Variants in ITSN2 observed in about 807,000 individuals in gnomAD.
ITSN2 encodes intersectin 2, also known as intersectin-2.
Under a neutral mutation model 243.7 loss-of-function variants are expected in ITSN2, and 156 were observed. The observed-to-expected ratio is 0.64, with a 90% CI of 0.56 to 0.73. The LOEUF (loss-of-function observed/expected upper bound fraction) is 0.73. Ranked by LOEUF, ITSN2 falls within the 30% of genes least tolerant of loss-of-function variation. The pLI, the probability that ITSN2 is intolerant of heterozygous loss-of-function variation, is 0.00. For synonymous variants in ITSN2, 703 were observed against 699.9 expected, an observed-to-expected ratio of 1.00 and a Z score of -0.07; for missense variants, 1,801 against 1,996.1, an observed-to-expected ratio of 0.90 and a Z score of 1.86.
At chr2:24,292,659 C>G (rs1680410388) in intron 15 of ITSN2, among the ~76,000 whole-genome samples, 1 of 152,204 alleles carries the variant, frequency 6.6e-6, no homozygotes, top group South Asian at 2.1e-4. Context: ...AATGTACAGC[C>G]TAGGCTCCTC....
At chr2:24,237,129 T>C (rs1165696424) in intron 29 of ITSN2, among the ~76,000 whole-genome samples, 4 of 152,186 alleles carry the variant, frequency 2.6e-5, no homozygotes, top group African/African-American at 9.7e-5. Flanking sequence ...TACCGCTTAC[T>C]AGCAGGTTCC....
At chr2:24,354,847 G>C (rs147475416) in intron 1 of ITSN2, among the ~76,000 whole-genome samples, 179 of 152,272 alleles carry the variant, frequency 1.2e-3, no homozygotes, top group African/African-American at 4.1e-3. Context: ...TCTGGTAATA[G>C]TCCCCTAATC....
chr2:24,305,042 C>G (rs1041043307), intron 8 of ITSN2, among the ~76,000 whole-genome samples: 1 of 152,180 alleles, frequency 6.6e-6, no homozygotes, highest in African/African-American at 2.4e-5. Context: ...GAAACATTCT[C>G]TCTTATATCC....
intron 12 of ITSN2, among the ~76,000 whole-genome samples, chr2:24,299,204 T>A (rs925004866): frequency 1.3e-5 from 2 of 152,024 alleles, no homozygotes; most frequent in Non-Finnish European, 2.9e-5. Flanking sequence ...GGCTAATTTT[T>A]GTACTTTTTG....
At chr2:24,348,182 A>G (rs1046706497) in intron 1 of ITSN2, among the ~76,000 whole-genome samples, 3 of 143,606 alleles carry the variant, frequency 2.1e-5, no homozygotes, top group Non-Finnish European at 3.0e-5. Flanking sequence ...AGTTTTTCAA[A>G]TACTATGATT....
intron 23 of ITSN2, among the ~76,000 whole-genome samples, chr2:24,255,543 G>A (rs111331935): frequency 0.015 from 2,360 of 152,262 alleles, 81 homozygotes; most frequent in African/African-American, 0.054. Context: ...CAGGAGAATC[G>A]CTTGAACACA....
intron 31 of ITSN2, among the ~76,000 whole-genome samples, chr2:24,217,585 C>A (rs181307484): frequency 6.6e-6 from 1 of 152,168 alleles, no homozygotes; most frequent in African/African-American, 2.4e-5. Flanking sequence ...TTATCTGCGC[C>A]GTGAGCTGCA....
chr2:24,305,283 A>T (rs950991780), intron 8 of ITSN2, among the ~76,000 whole-genome samples: 2 of 151,994 alleles, frequency 1.3e-5, no homozygotes, highest in African/African-American at 4.8e-5. Flanking sequence ...GTTTAGGGGG[A>T]GGAGAAGAGA....
intron 11 of ITSN2, 71 bp from the exon 12 acceptor site, chr2:24,300,242 T>C (rs1468960939): frequency 3.5e-6 from 5 of 1,429,952 alleles, no homozygotes; most frequent in Non-Finnish European, 4.8e-6. Context: ...AGTTTCTATA[T>C]ACTTATGCCT....
In ITSN2 at chr2:24,236,835, GCTATCTAT is replaced by G. The variant is rs141040899; in HGVS notation, c.3577+9286_3577+9293del. Reference sequence around the variant, plus strand: ...CAGGCGTGCAGCAGCACCACTCCCAGCTATCTATCTATCTATCTATCTTTTATTTTTTA... The same window carrying G: ...CAGGCGTGCAGCAGCACCACTCCCAGCTATCTATCTATCTTTTATTTTTTA... On this transcript the variant is annotated intron_variant, in intron 29 of 39. Transcript: ENST00000355123. Among the ~76,000 whole-genome samples the G allele has an allele frequency of 6.7e-4, 101 of 150,974 alleles. 1 individual carries two copies. The highest frequency in any genetic ancestry group is 3.4e-3 in the Middle Eastern group (1 of 290).
At chr2:24,273,345 T>A (rs1171394016) in intron 18 of ITSN2, among the ~76,000 whole-genome samples, 1 of 152,224 alleles carries the variant, frequency 6.6e-6, no homozygotes, top group Non-Finnish European at 1.5e-5. Context: ...GGAAAATGCT[T>A]CTCTTGCAGT....
chr2:24,248,611 C>T lies in ITSN2; in HGVS notation c.3288+18G>A, dbSNP rs1378167055. The T allele has an allele frequency of 4.5e-6, 7 of 1,565,638 alleles. No homozygotes were observed. Among genetic ancestry groups the T allele is most frequent in the Non-Finnish European group, 6.1e-6 (7 of 1,156,642 alleles). On this transcript the variant is annotated intron_variant, in intron 27 of 39. Coordinates refer to ENST00000355123, the MANE Select transcript of ITSN2 (RefSeq NM_006277.3). ...ACTTTTATAATAAAATTTATAGATG[C>T]TATTTAAAGAATATTACCTGTAACT...
chr2:24,335,513 T>G (rs1429972534), intron 1 of ITSN2, among the ~76,000 whole-genome samples: 1 of 152,118 alleles, frequency 6.6e-6, no homozygotes, highest in Non-Finnish European at 1.5e-5. Flanking sequence ...TTAAATTTTT[T>G]TGTAGAGATG....
chr2:24,341,391 CAAG>C (rs943450448), intron 1 of ITSN2, among the ~76,000 whole-genome samples: 3 of 152,008 alleles, frequency 2.0e-5, no homozygotes, highest in African/African-American at 7.3e-5. Flanking sequence ...AAAAAAGAGA[CAAG>C]AATAGTCAGA....
Position 24,216,034 on chromosome 2 carries a change from C to T in ITSN2, c.3990+15G>A. 6.4e-7 allele frequency: 1 copy of T among 1,568,890 alleles called. No individual in the cohort carries two copies. The highest frequency in any genetic ancestry group is 8.7e-7 in the Non-Finnish European group (1 of 1,153,802). ...TCAGAAGGAGCCTGACCCGCAAGGC[C>T]CAGAATGGAATTACCTTTAAAAATT... On this transcript the variant is annotated intron_variant, in intron 32 of 39. Coordinates refer to ENST00000355123, the MANE Select transcript of ITSN2 (RefSeq NM_006277.3).
At chr2:24,301,526 CTT>C (rs999219345) in intron 10 of ITSN2, among the ~76,000 whole-genome samples, 55 of 137,118 alleles carry the variant, frequency 4.0e-4, no homozygotes, top group Non-Finnish European at 3.8e-4. Context: ...ACATCCACTT[CTT>C]TTTTTTTTTT....
In ITSN2 at chr2:24,249,848, C is replaced by T. The variant is rs1011340336; in HGVS notation, c.3121-966G>A. 2.0e-5 allele frequency among the ~76,000 whole-genome samples: 3 copies of T among 152,188 alleles called. No homozygotes were observed. Among genetic ancestry groups the T allele is most frequent in the Non-Finnish European group, 4.4e-5 (3 of 68,036 alleles). On this transcript the variant is annotated intron_variant, in intron 25 of 39. Coordinates refer to ENST00000355123, the MANE Select transcript of ITSN2 (RefSeq NM_006277.3). The surrounding 1 kb of genome is among the most constrained non-coding windows in gnomAD (Gnocchi z 4.4). Reference sequence around the variant, plus strand: ...CTGGAAATAGTCCTTGAGCCTCTTTCAGGGGTCTGTGGGATAAAAACTATC... The same window carrying T: ...CTGGAAATAGTCCTTGAGCCTCTTTTAGGGGTCTGTGGGATAAAAACTATC...
chr2:24,258,990 T>C (rs1675434070), intron 22 of ITSN2, among the ~76,000 whole-genome samples: 1 of 152,194 alleles, frequency 6.6e-6, no homozygotes. Context: ...ATACTCTTAA[T>C]TATGCCTATG....
intron 1 of ITSN2, among the ~76,000 whole-genome samples, chr2:24,334,313 C>A (rs1391282033): frequency 6.6e-6 from 1 of 152,180 alleles, no homozygotes; most frequent in Non-Finnish European, 1.5e-5. Flanking sequence ...CCCGCCTCGG[C>A]TTCCCAAAGT....
Sources: gnomAD v4.1 joint callset for allele counts (sites outside exome capture counted in the v4.1 genomes callset) on GRCh38, gnomAD v4.1.1 for gene constraint, Gnocchi (gnomAD v3.1) non-coding constraint, MANE v1.5 for transcripts, NCBI Gene and HGNC (gene_info 2026-07-23, HGNC 2026-07-21) for gene names.